The following ADGRB3 variants were observed in gnomAD, a reference collection of about 807,000 sequenced individuals.
ADGRB3 encodes the protein brain-specific angiogenesis inhibitor 3.
Under a neutral mutation model 193.4 loss-of-function variants are expected in ADGRB3, and 37 were observed. The observed-to-expected ratio is 0.19, with a 90% CI of 0.15 to 0.25. The LOEUF is 0.25. ADGRB3 is among the 10% of genes least tolerant of loss of function. The probability of loss-of-function intolerance (pLI) is 1.00; values close to 1 mark genes in which losing one functional copy is unlikely to be tolerated. For synonymous variants in ADGRB3, 690 were observed against 644.2 expected (o/e 1.07, Z -1.08); for missense variants, 1,637 against 1,852.9 (o/e 0.88, Z 2.14).
chr6:68,771,474 G>T (rs1766617739), intron 3 of ADGRB3, among the ~76,000 whole-genome samples: 1 of 151,828 alleles, frequency 6.6e-6, no homozygotes, highest in Non-Finnish European at 1.5e-5. Flanking sequence ...TAATTGAAGA[G>T]ATTTAAATGA....
intron 20 of ADGRB3, among the ~76,000 whole-genome samples, chr6:69,301,173 A>C (rs1767942239): frequency 6.6e-6 from 1 of 151,852 alleles, no homozygotes; most frequent in South Asian, 2.1e-4. Flanking sequence ...TCATGAATTC[A>C]CAAAATATAT....
intron 3 of ADGRB3, among the ~76,000 whole-genome samples, chr6:68,878,337 G>T (rs943113760): frequency 5.9e-5 from 9 of 151,910 alleles, no homozygotes; most frequent in Middle Eastern, 3.4e-3. Context: ...AAAGACTAAT[G>T]TGTATTTGTT....
chr6:69,073,180 T>C (rs1042523958), intron 16 of ADGRB3, among the ~76,000 whole-genome samples: 1 of 152,194 alleles, frequency 6.6e-6, no homozygotes, highest in African/African-American at 2.4e-5. Flanking sequence ...ATGACCTTTT[T>C]TCAGGAAAGA....
In ADGRB3 at chr6:69,336,102, C is replaced by G. The variant is rs192834597; in HGVS notation, c.3189-2814C>G. Among the ~76,000 whole-genome samples, 585 of 151,864 alleles carry G rather than the reference C, an allele frequency of 3.9e-3. 6 individuals carry two copies. The highest frequency in any genetic ancestry group is 4.9e-3 in the Non-Finnish European group (331 of 67,818). ...GGAGTAGAAGTACAGGCTTTTTACA[C>G]AGATAAACTTGTGTCTCAGGGATTT... On this transcript the variant is annotated intron_variant, in intron 24 of 31. Transcript: ENST00000370598.
intron 3 of ADGRB3, among the ~76,000 whole-genome samples, chr6:68,830,174 G>A (rs1004868949): frequency 6.6e-6 from 1 of 152,020 alleles, no homozygotes; most frequent in African/African-American, 2.4e-5. Flanking sequence ...GACTGTTAAC[G>A]GTCTCCATTA....
intron 17 of ADGRB3, among the ~76,000 whole-genome samples, chr6:69,110,493 A>C (rs2150325361): frequency 6.6e-6 from 1 of 152,332 alleles, no homozygotes; most frequent in East Asian, 1.9e-4. Flanking sequence ...AAAAATGTTT[A>C]AAATTCCCTT....
At chr6:68,668,326 C>T (rs987235335) in intron 3 of ADGRB3, among the ~76,000 whole-genome samples, 3 of 151,896 alleles carry the variant, frequency 2.0e-5, no homozygotes, top group Admixed American at 1.3e-4. Flanking sequence ...GGAACCCTAC[C>T]GACAGGGAAG....
chr6:68,836,325 T>A (rs1768045488), intron 3 of ADGRB3, among the ~76,000 whole-genome samples: 1 of 150,602 alleles, frequency 6.6e-6, no homozygotes, highest in Admixed American at 6.7e-5. Flanking sequence ...TTGGAATGGG[T>A]TCACTCTTTA....
chr6:68,938,782 T>G (rs1767555663), intron 5 of ADGRB3, among the ~76,000 whole-genome samples: 1 of 152,182 alleles, frequency 6.6e-6, no homozygotes, highest in Non-Finnish European at 1.5e-5. Flanking sequence ...TGTTCCCTAC[T>G]TACAGTATTG....
chr6:69,088,265 C>T (rs1274250799), intron 17 of ADGRB3, among the ~76,000 whole-genome samples: 4 of 151,926 alleles, frequency 2.6e-5, no homozygotes, highest in Non-Finnish European at 4.4e-5. Context: ...CAAAAAGTGT[C>T]AAGTTTTATG....
chr6:69,074,711 AT>A (rs1290248285), intron 16 of ADGRB3, among the ~76,000 whole-genome samples: 28 of 151,534 alleles, frequency 1.8e-4, no homozygotes, highest in Admixed American at 3.9e-4. Context: ...CGTCCTGCTA[AT>A]TTTTTTGTAT....
intron 3 of ADGRB3, among the ~76,000 whole-genome samples, chr6:68,842,329 G>A (rs1014676830): frequency 2.0e-5 from 3 of 151,646 alleles, no homozygotes; most frequent in African/African-American, 7.3e-5. Flanking sequence ...ATGAAAAAAG[G>A]AGACAATACA....
At chr6:68,676,407 A>AAAAAG (rs1554169273) in intron 3 of ADGRB3, among the ~76,000 whole-genome samples, 42 of 148,304 alleles carry the variant, frequency 2.8e-4, no homozygotes, top group Admixed American at 4.7e-4. Flanking sequence ...AAAAAAAAAA[A>AAAAAG]AAAAGAAAAG....
chr6:69,309,506 T>C (rs1365851392), intron 20 of ADGRB3, among the ~76,000 whole-genome samples: 1 of 151,744 alleles, frequency 6.6e-6, no homozygotes, highest in Non-Finnish European at 1.5e-5. Context: ...ATGTGAATCA[T>C]AATCTGATTT....
At chr6:69,079,995 T>A (rs909818046) in intron 17 of ADGRB3, among the ~76,000 whole-genome samples, 4 of 152,096 alleles carry the variant, frequency 2.6e-5, no homozygotes, top group Non-Finnish European at 5.9e-5. Context: ...AACAGTCACA[T>A]CTTGACTGAG....
intron 20 of ADGRB3, among the ~76,000 whole-genome samples, chr6:69,283,677 CAAAGAG>C (rs1767488463): frequency 1.3e-5 from 2 of 151,644 alleles, no homozygotes; most frequent in Non-Finnish European, 2.9e-5. Context: ...GCTATGATTA[CAAAGAG>C]TCATAAAAAA....
intron 3 of ADGRB3, among the ~76,000 whole-genome samples, chr6:68,696,121 T>C (rs368460990): frequency 6.6e-6 from 1 of 152,054 alleles, no homozygotes; most frequent in Non-Finnish European, 1.5e-5. Flanking sequence ...TTATCAATGG[T>C]TTACAGTAAG....
intron 11 of ADGRB3, among the ~76,000 whole-genome samples, chr6:69,004,660 G>A (rs1035666288): frequency 1.2e-4 from 18 of 150,182 alleles, no homozygotes; most frequent in African/African-American, 4.2e-4. Context: ...GAGAACATGC[G>A]GTGTTAAGGA....
chr6:69,324,214 T>A (rs936652741), intron 20 of ADGRB3, among the ~76,000 whole-genome samples: 11 of 152,126 alleles, frequency 7.2e-5, no homozygotes, highest in Non-Finnish European at 1.5e-4. Flanking sequence ...GTACTGCTGG[T>A]GACATGATTA....
Sources: gnomAD v4.1 joint callset for allele counts (sites outside exome capture counted in the v4.1 genomes callset) on GRCh38, gnomAD v4.1.1 for gene constraint, MANE v1.5 for transcripts, NCBI Gene and HGNC (gene_info 2026-07-23, HGNC 2026-07-21) for gene names.